The following EPM2A variants were observed in gnomAD, a reference collection of about 807,000 sequenced individuals.
EPM2A encodes the protein laforin.
Under a neutral mutation model 26.5 loss-of-function variants are expected in EPM2A, and 21 were observed. The ratio of observed to expected loss-of-function variants is 0.79; its 90% CI spans 0.56 to 1.14. The LOEUF (loss-of-function observed/expected upper bound fraction) is 1.14. EPM2A is among the 50% of genes most tolerant of loss of function. EPM2A has a pLI of 0.00. For missense variants in EPM2A, 458 were observed against 440.8 expected (o/e 1.04, Z -0.35); for synonymous variants, 217 against 177.6 (o/e 1.22, Z -1.76).
intron 2 of EPM2A, among the ~76,000 whole-genome samples, chr6:145,653,999 T>C (rs537441103): frequency 2.6e-5 from 4 of 152,318 alleles, no homozygotes; most frequent in South Asian, 4.1e-4. Flanking sequence ...ATTTAATTTA[T>C]ATATTGCTGC....
chr6:145,693,631 A>G (rs1292895479), intron 1 of EPM2A, among the ~76,000 whole-genome samples: 3 of 151,962 alleles, frequency 2.0e-5, no homozygotes, highest in African/African-American at 7.2e-5. Flanking sequence ...CCACTGTGCA[A>G]TATGTCCATG....
chr6:145,479,343 T>C (rs897111596), intron 4 of EPM2A, among the ~76,000 whole-genome samples: 2 of 148,816 alleles, frequency 1.3e-5, no homozygotes, highest in African/African-American at 4.9e-5. Context: ...GATTCAAGGG[T>C]ATTAATTGCA....
chr6:145,547,519 T>A (rs912806529), intron 2 of EPM2A, among the ~76,000 whole-genome samples: 1 of 152,130 alleles, frequency 6.6e-6, no homozygotes, highest in Non-Finnish European at 1.5e-5. Flanking sequence ...TGGGTGTACA[T>A]GGAAGCACAT....
At chr6:145,624,174 G>T (rs1306812913), downstream of EPM2A, among the ~76,000 whole-genome samples, 1 of 152,038 alleles carries the variant, frequency 6.6e-6, no homozygotes. Context: ...GATTTGATCA[G>T]CACGTTACAT....
At chr6:145,430,129 T>C (rs781510494) in intron 4 of EPM2A, among the ~76,000 whole-genome samples, 8 of 151,278 alleles carry the variant, frequency 5.3e-5, no homozygotes, top group Non-Finnish European at 1.0e-4. Flanking sequence ...GAGGCAGAGG[T>C]TGTGATGAGC....
chr6:145,623,730 G>T (rs938588695), downstream of EPM2A, among the ~76,000 whole-genome samples: 2 of 152,148 alleles, frequency 1.3e-5, no homozygotes, highest in African/African-American at 2.4e-5. Flanking sequence ...GGGCTGGGAG[G>T]GAAGGCCAGA....
At chr6:145,623,832 A>G (rs931132213), downstream of EPM2A, among the ~76,000 whole-genome samples, 2 of 152,196 alleles carry the variant, frequency 1.3e-5, no homozygotes, top group African/African-American at 4.8e-5. Flanking sequence ...GAGGAAAAAC[A>G]CAGATGCTAT....
chr6:145,491,208 C>G, intron 4 of EPM2A: 1 of 428,082 alleles, frequency 2.3e-6, no homozygotes, highest in South Asian at 1.9e-5. Flanking sequence ...TCCCCGACCC[C>G]TTCATGGGTA....
At chr6:145,531,004 A>G (rs972796559) in intron 2 of EPM2A, among the ~76,000 whole-genome samples, 4 of 152,192 alleles carry the variant, frequency 2.6e-5, no homozygotes, top group Non-Finnish European at 5.9e-5. Context: ...CTAATTGCTC[A>G]TTTCTTTCTC....
intron 4 of EPM2A, among the ~76,000 whole-genome samples, chr6:145,459,383 C>T (rs1329824847): frequency 6.6e-6 from 1 of 152,164 alleles, no homozygotes; most frequent in Admixed American, 6.6e-5. Context: ...GAGTTACATT[C>T]AGGCTTTGAG....
chr6:145,409,695 C>T (rs1257172306), intron 4 of EPM2A, among the ~76,000 whole-genome samples: 1 of 152,110 alleles, frequency 6.6e-6, no homozygotes, highest in Non-Finnish European at 1.5e-5. Flanking sequence ...AGTGGATTGG[C>T]TGGGCTTTCA....
intron 4 of EPM2A, among the ~76,000 whole-genome samples, chr6:145,410,287 T>C (rs1031642371): frequency 6.6e-6 from 1 of 151,596 alleles, no homozygotes; most frequent in African/African-American, 2.4e-5. Context: ...GGAACATGAG[T>C]TTTCCTGGAA....
chr6:145,609,425 C>A (rs147505918), intron 2 of EPM2A, among the ~76,000 whole-genome samples: 194 of 152,270 alleles, frequency 1.3e-3, no homozygotes, highest in African/African-American at 4.3e-3. Flanking sequence ...GTAAAAATTT[C>A]ACATGGAAGG....
Position 145,391,345 on chromosome 6 carries a change from G to A in EPM2A, c.556-7248C>T, listed in dbSNP as rs988355117. ...CATTCCTTCCTGATAAGAGACCACC[G>A]ACCATGGAATAATTGGTGCCAGTTT... On this transcript the variant is annotated intron_variant, in intron 4 of 4. Coordinates refer to the EPM2A transcript ENST00000638717. Among the ~76,000 whole-genome samples the A allele has an allele frequency of 7.2e-5, 11 of 152,020 alleles. 1 individual carries two copies. Among genetic ancestry groups the A allele is most frequent in the South Asian group, 6.2e-4 (3 of 4,810 alleles).
intron 3 of EPM2A, among the ~76,000 whole-genome samples, chr6:145,633,421 T>C (rs1309110064): frequency 2.0e-5 from 3 of 152,244 alleles, no homozygotes; most frequent in Admixed American, 6.5e-5. Context: ...TTTTCTTTTT[T>C]TCTTCCTTGA....
rs141636652 is a variant in EPM2A, at chr6:145,605,263, T to C, written c.340+29982A>G. ...ATTCAAATTCCAACAACAATTTCCA[T>C]AAGAGTTATAACATGCCATACTTGG... On this transcript the variant is annotated intron_variant, in intron 2 of 3. Coordinates refer to the EPM2A transcript ENST00000450221. Among the ~76,000 whole-genome samples, 1,355 of 152,278 alleles carry C rather than the reference T, an allele frequency of 8.9e-3. 51 individuals are homozygous for C. The highest frequency in any genetic ancestry group is 0.064 in the Admixed American group (985 of 15,288).
intron 1 of EPM2A, among the ~76,000 whole-genome samples, chr6:145,707,447 C>T (rs776081141): frequency 6.6e-6 from 1 of 152,058 alleles, no homozygotes; most frequent in Admixed American, 6.6e-5. Flanking sequence ...GTGTCCTCAC[C>T]CAAACCACAT....
intron 2 of EPM2A, among the ~76,000 whole-genome samples, chr6:145,579,084 T>A (rs1781078372): frequency 6.6e-6 from 1 of 152,018 alleles, no homozygotes; most frequent in Admixed American, 6.6e-5. Flanking sequence ...CACACCAACA[T>A]GGCACATGTA....
At chr6:145,645,234 T>C (rs1777371639) in intron 2 of EPM2A, among the ~76,000 whole-genome samples, 1 of 152,236 alleles carries the variant, frequency 6.6e-6, no homozygotes, top group Non-Finnish European at 1.5e-5. Flanking sequence ...TAAAATTGTC[T>C]CTTCCACATT....
Sources: allele counts gnomAD v4.1 joint callset (sites outside exome capture counted in the v4.1 genomes callset), GRCh38; gene constraint gnomAD v4.1.1; transcripts MANE v1.5; gene names NCBI Gene and HGNC (gene_info 2026-07-23, HGNC 2026-07-21).